PLAAT4: variants seen among roughly 807,000 people sequenced by gnomAD.
The protein encoded by PLAAT4 is phospholipase A and acyltransferase 4.
In PLAAT4, 12 loss-of-function variants were observed where a neutral mutation model predicts 14.1. That is an observed-to-expected ratio of 0.85 (90% CI 0.54 to 1.37). The LOEUF (loss-of-function observed/expected upper bound fraction) is 1.37. PLAAT4 is among the 40% of genes most tolerant of loss of function. The probability of loss-of-function intolerance (pLI) is 0.00; values close to 1 mark genes in which losing one functional copy is unlikely to be tolerated. For synonymous variants in PLAAT4, 77 were observed against 79.8 expected (o/e 0.96, Z 0.19); for missense variants, 163 against 211.7 (o/e 0.77, Z 1.43).
At chr11:63,541,075 G>A (rs2017317778) in intron 2 of PLAAT4, among the ~76,000 whole-genome samples, 1 of 152,128 alleles carries the variant, frequency 6.6e-6, no homozygotes, top group African/African-American at 2.4e-5. Flanking sequence ...TGTCTGAATT[G>A]ATGGAAAATA....
chr11:63,545,071 T>C lies in PLAAT4; in HGVS notation c.387+182T>C. 4.9e-6 allele frequency: 4 copies of C among 815,210 alleles called. No homozygotes were observed. In the South Asian group the frequency reaches 6.3e-5, roughly 13 times the overall value. 50.5% of individuals were successfully genotyped at this position (815,210 alleles called of 1,614,324 possible). Reference sequence around the variant, plus strand: ...TAATCCACAGAGGGTCTTTGGACAGTTCCCTTCCCCCCAGGCCTCTCCATG... The same window carrying C: ...TAATCCACAGAGGGTCTTTGGACAGCTCCCTTCCCCCCAGGCCTCTCCATG... On this transcript the variant is annotated intron_variant, in intron 3 of 3. Coordinates refer to ENST00000255688, the MANE Select transcript of PLAAT4 (RefSeq NM_004585.5).
At position 63,546,173 on chromosome 11, in the gene PLAAT4, G is replaced by C. The variant is rs565409700; in HGVS notation, c.412G>C (p.Gly138Arg). ...GGTGGAAAAGGCCAAGGTTGAAGTC[G>C]GTGTGGCCACGGCGCTTGGAATCCT... Reference protein sequence around the residue: ...KQVEKAKVEVGVATALGILVV... With the variant: ...KQVEKAKVEVRVATALGILVV... Residue 138 changes from glycine (G) to arginine (R), a missense_variant, in exon 4 of 4, where the codon GGT (glycine) becomes CGT (arginine). By Grantham distance (125) the Gly-to-Arg change is moderately radical. Coordinates refer to ENST00000255688, the MANE Select transcript of PLAAT4 (RefSeq NM_004585.5). 1.2e-6 allele frequency: 2 copies of C among 1,613,982 alleles called. No homozygotes were observed. Among genetic ancestry groups the C allele is most frequent in the Non-Finnish European group, 8.5e-7 (1 of 1,180,006 alleles).
chr11:63,538,874 T>C (rs2017295139), intron 1 of PLAAT4, among the ~76,000 whole-genome samples: 1 of 152,150 alleles, frequency 6.6e-6, no homozygotes, highest in South Asian at 2.1e-4. Flanking sequence ...GTAGGACAAG[T>C]TCCCACAGAG....
intron 1 of PLAAT4, among the ~76,000 whole-genome samples, chr11:63,537,939 C>T (rs2017286240): frequency 6.6e-6 from 1 of 152,170 alleles, no homozygotes; most frequent in African/African-American, 2.4e-5. Context: ...CTCAACTTGA[C>T]CCCTGCAGAG....
At chr11:63,539,172 T>G (rs2017299812) in intron 1 of PLAAT4, among the ~76,000 whole-genome samples, 3 of 152,122 alleles carry the variant, frequency 2.0e-5, no homozygotes, top group Non-Finnish European at 4.4e-5. Flanking sequence ...AAGGTGCTGG[T>G]TCATGCAGGC....
At chr11:63,544,372 C>T (rs1003249535) in intron 2 of PLAAT4, among the ~76,000 whole-genome samples, 4 of 151,728 alleles carry the variant, frequency 2.6e-5, no homozygotes, top group Non-Finnish European at 5.9e-5. Flanking sequence ...CCCAGCTACT[C>T]GGGAGGGTGA....
intron 2 of PLAAT4, among the ~76,000 whole-genome samples, chr11:63,540,600 C>T (rs1038573440): frequency 2.0e-5 from 3 of 152,124 alleles, no homozygotes; most frequent in Non-Finnish European, 4.4e-5. Context: ...CCAAGGCGGA[C>T]GGATCACTTG....
At chr11:63,538,712 G>C (rs1463876668) in intron 1 of PLAAT4, among the ~76,000 whole-genome samples, 1 of 152,174 alleles carries the variant, frequency 6.6e-6, no homozygotes, top group African/African-American at 2.4e-5. Context: ...ACAGGAACCA[G>C]GGTGAGGGGT....
At chr11:63,542,236 C>A (rs1272726792) in intron 2 of PLAAT4, among the ~76,000 whole-genome samples, 1 of 152,130 alleles carries the variant, frequency 6.6e-6, no homozygotes, top group Non-Finnish European at 1.5e-5. Flanking sequence ...CAAACTATTT[C>A]TGTGGATGGG....
At chr11:63,540,771 A>C (rs1174782175) in intron 2 of PLAAT4, among the ~76,000 whole-genome samples, 1 of 152,214 alleles carries the variant, frequency 6.6e-6, no homozygotes, top group Non-Finnish European at 1.5e-5. Context: ...GGTTGCAGTG[A>C]GCCGAGATCC....
chr11:63,544,845 C>T lies in PLAAT4; in HGVS notation c.343C>T (p.His115Tyr). ...CAGTATTGTGAGCAGGAACTGTGAG[C>T]ACTTTGTCACCCAGCTGAGATATGG... ...KYSIVSRNCE[H>Y]FVTQLRYGKS... Residue 115 changes from histidine to tyrosine, a missense_variant, in exon 3 of 4, where the codon CAC becomes TAC. Transcript: ENST00000255688. 1 of 1,614,206 alleles carries T rather than the reference C, an allele frequency of 6.2e-7. No individual in the cohort carries two copies.
At chr11:63,543,879 G>A (rs1186729702) in intron 2 of PLAAT4, among the ~76,000 whole-genome samples, 1 of 152,198 alleles carries the variant, frequency 6.6e-6, no homozygotes, top group Non-Finnish European at 1.5e-5. Flanking sequence ...TGCAGTGGAA[G>A]GAGCCTGCCC....
At chr11:63,542,784 C>T (rs185478207) in intron 2 of PLAAT4, among the ~76,000 whole-genome samples, 17 of 152,240 alleles carry the variant, frequency 1.1e-4, no homozygotes, top group East Asian at 5.8e-4. Context: ...CCACAGATTA[C>T]CACAAAACAT....
At position 63,546,399 on chromosome 11, in the gene PLAAT4, A is replaced by C; in HGVS notation, c.*143A>C. The C allele has an allele frequency of 1.4e-6, 1 of 703,966 alleles. No homozygotes were observed. The highest frequency in any genetic ancestry group is 2.6e-5 in the Admixed American group (1 of 38,336). 43.6% of individuals were successfully genotyped at this position (703,966 alleles called of 1,614,324 possible). ...TCCTCTGTTTCCCTCTCTCGCTGGCAAAAGTATGATCTAATTGAAACAAGA... is the reference window on the plus strand; with the variant it reads ...TCCTCTGTTTCCCTCTCTCGCTGGCCAAAGTATGATCTAATTGAAACAAGA... On this transcript the variant is annotated 3_prime_UTR_variant, in exon 4 of 4. Coordinates refer to ENST00000255688, the MANE Select transcript of PLAAT4 (RefSeq NM_004585.5).
At chr11:63,539,672 A>G in intron 2 of PLAAT4, 48 bp downstream of exon 2, 1 of 1,460,760 alleles carries the variant, frequency 6.8e-7, no homozygotes, top group Non-Finnish European at 9.5e-7. Flanking sequence ...TTAAAAGGAT[A>G]ATGAGAGGGC....
intron 3 of PLAAT4, among the ~76,000 whole-genome samples, chr11:63,545,864 G>A (rs2017360686): frequency 6.6e-6 from 1 of 152,106 alleles, no homozygotes; most frequent in Non-Finnish European, 1.5e-5. Context: ...TCCTCACTTG[G>A]AAGCTCTCTC....
At chr11:63,541,278 G>A (rs753985947) in intron 2 of PLAAT4, among the ~76,000 whole-genome samples, 2 of 149,228 alleles carry the variant, frequency 1.3e-5, no homozygotes, top group Non-Finnish European at 3.0e-5. Flanking sequence ...TGCAACCTCC[G>A]CCTCCCAGTT....
chr11:63,542,283 G>C (rs1012957742), intron 2 of PLAAT4, among the ~76,000 whole-genome samples: 8 of 152,048 alleles, frequency 5.3e-5, no homozygotes, highest in African/African-American at 1.7e-4. Flanking sequence ...AGTGGCCCTA[G>C]ACTAATATAT....
intron 3 of PLAAT4, chr11:63,545,118 A>G (rs1166897722): frequency 8.1e-6 from 5 of 617,812 alleles, no homozygotes; most frequent in Non-Finnish European, 1.4e-5. Context: ...GGGTGGATGG[A>G]GGAGCTCTGA....
Sources: allele counts gnomAD v4.1 joint callset (sites outside exome capture counted in the v4.1 genomes callset), GRCh38; gene constraint gnomAD v4.1.1; transcripts MANE v1.5; gene names NCBI Gene and HGNC (gene_info 2026-07-23, HGNC 2026-07-21).